DSE: variants seen among roughly 807,000 people sequenced by gnomAD.
The protein encoded by DSE is dermatan-sulfate epimerase.
In DSE, 36 loss-of-function variants were observed where a neutral mutation model predicts 84.4. That is an observed-to-expected ratio of 0.43 (90% CI 0.33 to 0.56). The LOEUF is 0.56. DSE is among the 20% of genes least tolerant of loss of function. The probability of loss-of-function intolerance (pLI) is 0.06; values close to 1 mark genes in which losing one functional copy is unlikely to be tolerated. For missense variants in DSE, 862 were observed against 1,169.6 expected (o/e 0.74, Z 3.84); for synonymous variants, 410 against 430.1 (o/e 0.95, Z 0.58).
chr6:116,410,732 TC>T (rs1782283238), intron 2 of DSE, among the ~76,000 whole-genome samples: 1 of 20,818 alleles, frequency 4.8e-5, no homozygotes, highest in Non-Finnish European at 7.6e-5. Flanking sequence ...AGACTCTGTC[TC>T]AAAAAAAAAA....
chr6:116,324,446 G>A (rs1190720955), intron 2 of DSE, among the ~76,000 whole-genome samples: 2 of 152,204 alleles, frequency 1.3e-5, no homozygotes, highest in South Asian at 2.1e-4. Context: ...AGTCACAGGT[G>A]AAATCCCAAC....
intron 1 of DSE, among the ~76,000 whole-genome samples, chr6:116,374,125 A>G (rs1779778641): frequency 6.6e-6 from 1 of 152,118 alleles, no homozygotes; most frequent in African/African-American, 2.4e-5. Flanking sequence ...TGCCATGTGT[A>G]GGCAAGCTCC....
chr6:116,400,823 G>T (rs1342090275), intron 2 of DSE: 2 of 152,072 alleles, frequency 1.3e-5, no homozygotes, highest in East Asian at 3.8e-4. Context: ...CACCAAGAAA[G>T]AAAAGATGTA....
chr6:116,404,310 G>A (rs1180712763), intron 2 of DSE, among the ~76,000 whole-genome samples: 3 of 152,216 alleles, frequency 2.0e-5, no homozygotes, highest in African/African-American at 7.2e-5. Context: ...TAATAATATG[G>A]GAAGATGAAT....
At chr6:116,320,530 G>C (rs1302383791) in intron 2 of DSE, among the ~76,000 whole-genome samples, 38 of 152,000 alleles carry the variant, frequency 2.5e-4, no homozygotes, top group Non-Finnish European at 4.4e-5. Context: ...CTCCTTTAGG[G>C]AAGGAGGTGT....
intron 2 of DSE, chr6:116,279,660 G>T (rs2114636615): frequency 1.2e-6 from 2 of 1,606,824 alleles, no homozygotes; most frequent in South Asian, 1.1e-5. Context: ...GCGGGAGCGC[G>T]ACGGTCTCCG....
chr6:116,331,764 A>G (rs1314495940), intron 2 of DSE, among the ~76,000 whole-genome samples: 1 of 152,080 alleles, frequency 6.6e-6, no homozygotes, highest in Non-Finnish European at 1.5e-5. Context: ...CGAGACCATC[A>G]TGGCCAACAT....
At chr6:116,421,643 T>C (rs1206183748) in intron 2 of DSE, among the ~76,000 whole-genome samples, 1 of 151,390 alleles carries the variant, frequency 6.6e-6, no homozygotes, top group Non-Finnish European at 1.5e-5. Context: ...AGCTAATTTT[T>C]AAAAAATTAT....
intron 2 of DSE, among the ~76,000 whole-genome samples, chr6:116,292,961 T>C (rs1562208791): frequency 6.6e-6 from 1 of 152,160 alleles, no homozygotes. Flanking sequence ...TGGTGATCTC[T>C]GGGGGATGAG....
chr6:116,297,938 G>A (rs1774771417), intron 2 of DSE, among the ~76,000 whole-genome samples: 1 of 152,098 alleles, frequency 6.6e-6, no homozygotes, highest in Admixed American at 6.5e-5. Context: ...GGTTTGCCTG[G>A]GACTAGTGTT....
chr6:116,358,425 T>A (rs539520502), intron 2 of DSE, among the ~76,000 whole-genome samples: 1 of 152,306 alleles, frequency 6.6e-6, no homozygotes, highest in East Asian at 1.9e-4. Context: ...ATTCTTTAAT[T>A]AATAAAAATC....
intron 2 of DSE, among the ~76,000 whole-genome samples, chr6:116,409,132 A>G (rs922895274): frequency 6.6e-6 from 1 of 152,244 alleles, no homozygotes; most frequent in African/African-American, 2.4e-5. Flanking sequence ...GAAACAGTAC[A>G]TAGCATAATG....
At chr6:116,389,975 A>G (rs1308683906) in intron 1 of DSE, among the ~76,000 whole-genome samples, 1 of 150,962 alleles carries the variant, frequency 6.6e-6, no homozygotes, top group Non-Finnish European at 1.5e-5. Flanking sequence ...AACCTCAGAG[A>G]CATCATTTTC....
intron 2 of DSE, among the ~76,000 whole-genome samples, chr6:116,339,428 G>A (rs1777460531): frequency 6.6e-6 from 1 of 151,998 alleles, no homozygotes; most frequent in South Asian, 2.1e-4. Context: ...AGTTTGGAAA[G>A]CAATGTTCTG....
chr6:116,352,625 G>T (rs1278860037), intron 2 of DSE, among the ~76,000 whole-genome samples: 3 of 152,012 alleles, frequency 2.0e-5, no homozygotes, highest in African/African-American at 7.3e-5. Flanking sequence ...TAAAAAACAG[G>T]AACTTTGGGA....
chr6:116,371,957 C>T (rs1027423152), intron 1 of DSE, among the ~76,000 whole-genome samples: 5 of 152,198 alleles, frequency 3.3e-5, no homozygotes, highest in Non-Finnish European at 7.3e-5. Context: ...AGGAGGTGAA[C>T]CTCACTTACC....
At chr6:116,384,619 T>C (rs976142177) in intron 1 of DSE, among the ~76,000 whole-genome samples, 4 of 152,352 alleles carry the variant, frequency 2.6e-5, no homozygotes, top group Non-Finnish European at 4.4e-5. Flanking sequence ...TTTGTCTTCC[T>C]ACACAAATTT....
At chr6:116,335,554 T>C (rs530412336) in intron 2 of DSE, among the ~76,000 whole-genome samples, 1 of 152,336 alleles carries the variant, frequency 6.6e-6, no homozygotes, top group South Asian at 2.1e-4. Context: ...TATTTTCTTC[T>C]CCTTTGTTTG....
chr6:116,309,216 C>T (rs930264997), intron 2 of DSE, among the ~76,000 whole-genome samples: 2 of 152,150 alleles, frequency 1.3e-5, no homozygotes, highest in African/African-American at 4.8e-5. Context: ...ATTCCCCCCT[C>T]ATCCTGTATA....
Sources: allele counts gnomAD v4.1 joint callset (sites outside exome capture counted in the v4.1 genomes callset), GRCh38; gene constraint gnomAD v4.1.1; transcripts MANE v1.5; gene names NCBI Gene and HGNC (gene_info 2026-07-23, HGNC 2026-07-21).